KAZN: variants seen among roughly 807,000 people sequenced by gnomAD.
KAZN encodes the protein kazrin, periplakin interacting protein, also known as kazrin.
Under a neutral mutation model 87.4 loss-of-function variants are expected in KAZN, and 40 were observed. The ratio of observed to expected loss-of-function variants is 0.46; its 90% CI spans 0.36 to 0.60. KAZN has a LOEUF of 0.60. Among genes scored for constraint, KAZN ranks in the 20% least tolerant of loss-of-function variants. The pLI is 0.00. For missense variants in KAZN, 898 were observed against 1,073.9 expected (o/e 0.84, Z 2.29); for synonymous variants, 466 against 458.3 (o/e 1.02, Z -0.22).
chr1:14,107,238 T>C (rs1357771758), intron 1 of KAZN, among the ~76,000 whole-genome samples: 1 of 151,782 alleles, frequency 6.6e-6, no homozygotes, highest in Non-Finnish European at 1.5e-5. Flanking sequence ...CTCCGGGCAG[T>C]GATCCACCCC....
At chr1:14,362,559 G>C (rs1284676234) in intron 2 of KAZN, among the ~76,000 whole-genome samples, 1 of 152,150 alleles carries the variant, frequency 6.6e-6, no homozygotes, top group Non-Finnish European at 1.5e-5. Context: ...GGAATCACAG[G>C]GCTGCTTAAG....
At chr1:14,794,956 C>A (rs569596827) in intron 1 of KAZN, among the ~76,000 whole-genome samples, 1 of 152,276 alleles carries the variant, frequency 6.6e-6, no homozygotes, top group Non-Finnish European at 1.5e-5. Flanking sequence ...TTCTCCCGTG[C>A]TGGATGCTTC....
chr1:14,596,488 T>TTCAATGGC (rs1445099608), upstream of KAZN, among the ~76,000 whole-genome samples: 1 of 152,220 alleles, frequency 6.6e-6, no homozygotes, highest in Admixed American at 6.5e-5. Context: ...AAGTGAACAA[T>TTCAATGGC]TCAATGGCAC....
chr1:14,188,199 G>A (rs1021980810), intron 2 of KAZN, among the ~76,000 whole-genome samples: 1,566 of 82,430 alleles, frequency 0.019, 27 homozygotes, highest in African/African-American at 0.053. Flanking sequence ...AGGAGCGTGT[G>A]TGTGTGTGTG....
chr1:14,800,863 A>G (rs1645988293), intron 1 of KAZN, among the ~76,000 whole-genome samples: 1 of 152,142 alleles, frequency 6.6e-6, no homozygotes, highest in African/African-American at 2.4e-5. Flanking sequence ...GTAGCTTCGT[A>G]GTTGCCGGGG....
At chr1:14,307,435 C>T (rs1280434999) in intron 2 of KAZN, among the ~76,000 whole-genome samples, 3 of 152,212 alleles carry the variant, frequency 2.0e-5, no homozygotes, top group Non-Finnish European at 4.4e-5. Context: ...ATGGTCCAGA[C>T]ACTGTCTACA....
intron 1 of KAZN, among the ~76,000 whole-genome samples, chr1:14,863,599 C>T (rs1651114700): frequency 6.6e-6 from 1 of 152,078 alleles, no homozygotes; most frequent in Non-Finnish European, 1.5e-5. Context: ...CAATTCCTAA[C>T]CTTAGGGGCT....
intron 2 of KAZN, among the ~76,000 whole-genome samples, chr1:14,515,914 A>G (rs1450317607): frequency 6.6e-6 from 1 of 152,144 alleles, no homozygotes; most frequent in African/African-American, 2.4e-5. Context: ...TAGACCCAGC[A>G]TGGTCTCACG....
At chr1:14,359,762 C>T (rs1222017168) in intron 2 of KAZN, among the ~76,000 whole-genome samples, 3 of 152,180 alleles carry the variant, frequency 2.0e-5, no homozygotes, top group African/African-American at 7.2e-5. Context: ...TGAATATTGG[C>T]CCTCACTCTC....
At chr1:14,198,365 T>C (rs898459104) in intron 2 of KAZN, among the ~76,000 whole-genome samples, 5 of 152,114 alleles carry the variant, frequency 3.3e-5, no homozygotes, top group African/African-American at 1.2e-4. Flanking sequence ...TTTGGGAGGC[T>C]GAGGTGGGAG....
chr1:13,928,606 G>C (rs1427879831), intron 1 of KAZN, among the ~76,000 whole-genome samples: 1 of 152,142 alleles, frequency 6.6e-6, no homozygotes, highest in East Asian at 1.9e-4. Context: ...TGTACAATGT[G>C]TGATTAACAT....
intron 2 of KAZN, among the ~76,000 whole-genome samples, chr1:14,555,105 A>G (rs1295496800): frequency 1.3e-5 from 2 of 152,242 alleles, no homozygotes; most frequent in Admixed American, 6.5e-5. Flanking sequence ...ATAATTGGCA[A>G]GTGTGACTTC....
chr1:14,049,113 C>T (rs35449680), intron 1 of KAZN, among the ~76,000 whole-genome samples: 23,886 of 152,110 alleles, frequency 0.16, 2,289 homozygotes, highest in Non-Finnish European at 0.22. Flanking sequence ...GGCACATATA[C>T]AACATGGAAT....
intron 2 of KAZN, among the ~76,000 whole-genome samples, chr1:14,386,653 C>G (rs1661921751): frequency 1.3e-5 from 2 of 152,292 alleles, no homozygotes; most frequent in South Asian, 2.1e-4. Flanking sequence ...CCACTCTCTT[C>G]TGGTTTGTAG....
chr1:14,011,208 G>A (rs925257451), intron 1 of KAZN, among the ~76,000 whole-genome samples: 4 of 152,204 alleles, frequency 2.6e-5, no homozygotes, highest in Admixed American at 6.5e-5. Flanking sequence ...AAGAAAGTCC[G>A]AGTTGCTACC....
intron 2 of KAZN, among the ~76,000 whole-genome samples, chr1:14,298,776 T>C (rs1179594621): frequency 6.6e-6 from 1 of 152,210 alleles, no homozygotes; most frequent in Non-Finnish European, 1.5e-5. Flanking sequence ...TTCTCAGCCA[T>C]GGTAGGAAGT....
At chr1:13,983,116 A>G (rs1017231358) in intron 1 of KAZN, among the ~76,000 whole-genome samples, 4 of 152,240 alleles carry the variant, frequency 2.6e-5, no homozygotes, top group Admixed American at 2.6e-4. Context: ...TGGATCTCGC[A>G]CGGGGGCTGC....
chr1:14,055,677 C>T (rs796333982), intron 1 of KAZN, among the ~76,000 whole-genome samples: 3 of 152,234 alleles, frequency 2.0e-5, no homozygotes, highest in East Asian at 1.9e-4. Context: ...GCAGTGCTGT[C>T]GCTCCACAGA....
chr1:14,875,216 G>A (rs1419175724), intron 1 of KAZN, among the ~76,000 whole-genome samples: 4 of 151,176 alleles, frequency 2.6e-5, no homozygotes, highest in East Asian at 3.9e-4. Flanking sequence ...CTGTAATCCC[G>A]GCTACTCAGG....
Sources: allele counts gnomAD v4.1 joint callset (sites outside exome capture counted in the v4.1 genomes callset), GRCh38; gene constraint gnomAD v4.1.1; transcripts MANE v1.5; gene names NCBI Gene and HGNC (gene_info 2026-07-23, HGNC 2026-07-21).